The following SATB2 variants were observed in gnomAD, a reference collection of about 807,000 sequenced individuals.
The protein encoded by SATB2 is SATB homeobox 2.
Under a neutral mutation model 73.4 loss-of-function variants are expected in SATB2, and 1 was observed. The ratio of observed to expected loss-of-function variants is 0.01; its 90% CI spans 0.00 to 0.06. The LOEUF is 0.06. SATB2 is among the 10% of genes least tolerant of loss of function. The probability of loss-of-function intolerance (pLI) is 1.00; values close to 1 mark genes in which losing one functional copy is unlikely to be tolerated. For synonymous variants in SATB2, 397 were observed against 367.0 expected (o/e 1.08, Z -0.93); for missense variants, 459 against 945.8 (o/e 0.49, Z 6.75).
At chr2:199,454,867 T>C (rs1288630826) in intron 2 of SATB2, among the ~76,000 whole-genome samples, 1 of 152,204 alleles carries the variant, frequency 6.6e-6, no homozygotes, top group Admixed American at 6.5e-5. Context: ...CATTAAGGTT[T>C]GCCAAGGTTT....
chr2:199,451,164 G>A (rs1276948554), intron 2 of SATB2, among the ~76,000 whole-genome samples: 1 of 150,928 alleles, frequency 6.6e-6, no homozygotes, highest in Non-Finnish European at 1.5e-5. Flanking sequence ...GTATACAATG[G>A]TCAGTGGGTT....
chr2:199,449,838 T>C (rs1692072634), intron 2 of SATB2, among the ~76,000 whole-genome samples: 2 of 152,132 alleles, frequency 1.3e-5, no homozygotes, highest in African/African-American at 2.4e-5. Context: ...TGGAGAGCAG[T>C]GTTGATTGGA....
At chr2:199,405,072 T>A (rs961764320) in intron 3 of SATB2, among the ~76,000 whole-genome samples, 3 of 152,186 alleles carry the variant, frequency 2.0e-5, no homozygotes, top group African/African-American at 7.2e-5. Flanking sequence ...TACCACAGAA[T>A]GTACCCAGAA....
intron 6 of SATB2, among the ~76,000 whole-genome samples, chr2:199,350,206 C>A (rs1688774091): frequency 6.6e-6 from 1 of 152,062 alleles, no homozygotes; most frequent in African/African-American, 2.4e-5. Context: ...ATGCAAAAGT[C>A]CATTAAAGAT....
At chr2:199,380,314 T>A in intron 5 of SATB2, 50 bp downstream of exon 5, 1 of 1,611,954 alleles carries the variant, frequency 6.2e-7, no homozygotes, top group Non-Finnish European at 8.5e-7. Context: ...TGATAGAGAG[T>A]CTACCAATGG....
chr2:199,454,251 G>A (rs553756277), intron 2 of SATB2, among the ~76,000 whole-genome samples: 4 of 152,196 alleles, frequency 2.6e-5, no homozygotes, highest in African/African-American at 9.6e-5. Flanking sequence ...TTTCAATTTA[G>A]TGAATTTTAT....
chr2:199,296,886 T>G lies in SATB2; in HGVS notation c.1740+11874A>C, dbSNP rs568039795. Among the ~76,000 whole-genome samples, 3 of 152,296 alleles carry G rather than the reference T, an allele frequency of 2.0e-5. No individual in the cohort carries two copies. In the South Asian group the frequency reaches 6.2e-4, roughly 32 times the overall value. Reference sequence around the variant, plus strand: ...TTGAAACTAGAAATAGAGAGTAATATTTATTCTTTATAAGATGCTCTGGCC... The same window carrying G: ...TTGAAACTAGAAATAGAGAGTAATAGTTATTCTTTATAAGATGCTCTGGCC... On this transcript the variant is annotated intron_variant, in intron 10 of 10. Transcript: ENST00000417098.
At chr2:199,377,293 C>T (rs1170085705) in intron 5 of SATB2, among the ~76,000 whole-genome samples, 1 of 152,058 alleles carries the variant, frequency 6.6e-6, no homozygotes. Context: ...GCGGGAGAAT[C>T]GCTTGAACAG....
In SATB2 at chr2:199,375,652, G is replaced by T. The variant is rs544029026; in HGVS notation, c.597+4712C>A. ...CTCAAGTGAAGAATCACCTAAAATG[G>T]TTTGGCTTAGGGGTAATAAGGAAGA... On this transcript the variant is annotated intron_variant, in intron 5 of 10. Coordinates refer to ENST00000417098, the MANE Select transcript of SATB2 (RefSeq NM_001172509.2). Among the ~76,000 whole-genome samples the T allele has an allele frequency of 2.0e-5, 3 of 152,250 alleles. No homozygotes were observed. The East Asian group carries it at 5.8e-4, about 29-fold the overall frequency.
At chr2:199,409,167 C>CTTTTTTTTTT (rs67330007) in intron 3 of SATB2, among the ~76,000 whole-genome samples, 4 of 115,242 alleles carry the variant, frequency 3.5e-5, no homozygotes, top group African/African-American at 6.1e-5. Flanking sequence ...TTTTTCTTTT[C>CTTTTTTTTTT]TTTTTTTTTT....
chr2:199,414,571 G>C (rs1349170749), intron 3 of SATB2, among the ~76,000 whole-genome samples: 1 of 152,152 alleles, frequency 6.6e-6, no homozygotes, highest in Non-Finnish European at 1.5e-5. Context: ...GAGGGAGCTT[G>C]TGTGACAGCA....
chr2:199,326,042 AATGT>A (rs1688019845), intron 8 of SATB2: 2 of 152,136 alleles, frequency 1.3e-5, no homozygotes, highest in Non-Finnish European at 2.9e-5. Flanking sequence ...TCCCTGCATC[AATGT>A]CAAGCTGCTT....
chr2:199,375,393 G>T (rs1051956768), intron 5 of SATB2, among the ~76,000 whole-genome samples: 1 of 152,114 alleles, frequency 6.6e-6, no homozygotes, highest in African/African-American at 2.4e-5. Context: ...AAATAAATAC[G>T]CAGACACACA....
chr2:199,439,003 C>T (rs1691731086), intron 2 of SATB2, among the ~76,000 whole-genome samples: 1 of 152,198 alleles, frequency 6.6e-6, no homozygotes, highest in South Asian at 2.1e-4. Context: ...AATCTAAGGG[C>T]TTGGCCTCTT....
chr2:199,455,817 G>C lies in SATB2; in HGVS notation c.169+52C>G, dbSNP rs1692255238. 12 of 1,523,096 alleles carry C rather than the reference G, an allele frequency of 7.9e-6. No individual in the cohort carries two copies. In the East Asian group the frequency reaches 2.7e-4, roughly 34 times the overall value. 94.3% of individuals were successfully genotyped at this position (1,523,096 alleles called of 1,614,324 possible). Reference sequence around the variant, plus strand: ...TAATCAACCTGAACCCTGACACCCGGGCCATTATCACTGGGCCGCGGGCTG... The same window carrying C: ...TAATCAACCTGAACCCTGACACCCGCGCCATTATCACTGGGCCGCGGGCTG... On this transcript the variant is annotated intron_variant, in intron 2 of 10. Transcript: ENST00000417098. The surrounding 1 kb of genome is among the most constrained non-coding windows in gnomAD (Gnocchi z 4.1).
chr2:199,345,285 CTT>C lies in SATB2; in HGVS notation c.1173+3414_1173+3415del, dbSNP rs951388466. ...CAAACTCATATTTTCTTTTTCTTTT[CTT>C]TTTTTTTATTATTCTAGGGTACATG... On this transcript the variant is annotated intron_variant, in intron 7 of 10. Transcript: ENST00000417098. Among the ~76,000 whole-genome samples, 6 of 151,274 alleles carry C rather than the reference CTT, an allele frequency of 4.0e-5. No individual in the cohort carries two copies. The East Asian group carries it at 1.2e-3, about 29-fold the overall frequency.
intron 10 of SATB2, among the ~76,000 whole-genome samples, chr2:199,297,587 C>G (rs1360464762): frequency 6.6e-6 from 1 of 152,114 alleles, no homozygotes; most frequent in African/African-American, 2.4e-5. Context: ...AACTCAACAC[C>G]AGAGAATATT....
chr2:199,295,331 C>A (rs1238043977), intron 10 of SATB2, among the ~76,000 whole-genome samples: 1 of 151,762 alleles, frequency 6.6e-6, no homozygotes. Context: ...ATAAATAATA[C>A]ACGGATGGCC....
chr2:199,339,143 T>C (rs1688430293), intron 7 of SATB2, among the ~76,000 whole-genome samples: 1 of 152,052 alleles, frequency 6.6e-6, no homozygotes, highest in African/African-American at 2.4e-5. Flanking sequence ...AAAGCCATCA[T>C]CTCCCCAAGT....
Sources: allele counts gnomAD v4.1 joint callset (sites outside exome capture counted in the v4.1 genomes callset), GRCh38; gene constraint gnomAD v4.1.1; non-coding constraint Gnocchi (gnomAD v3.1); transcripts MANE v1.5; gene names NCBI Gene and HGNC (gene_info 2026-07-23, HGNC 2026-07-21).